The following EYS variants were observed in gnomAD, a reference collection of about 807,000 sequenced individuals.
EYS encodes protein eyes shut homolog.
In EYS, 250 loss-of-function variants were observed where a neutral mutation model predicts 282.1. The observed-to-expected ratio is 0.89, with a 90% CI of 0.80 to 0.98. The LOEUF (loss-of-function observed/expected upper bound fraction) is 0.98, where lower values mean the gene tolerates loss of function less well. Ranked by LOEUF, EYS falls within the 50% of genes least tolerant of loss-of-function variation. EYS has a pLI of 0.00. For missense variants in EYS, 4,016 were observed against 3,709.0 expected (o/e 1.08, Z -2.15); for synonymous variants, 1,355 against 1,282.9 (o/e 1.06, Z -1.20).
chr6:64,692,998 T>TTTTTTTTTC, intron 22 of EYS, among the ~76,000 whole-genome samples: 1 of 66,400 alleles, frequency 1.5e-5, no homozygotes, highest in Non-Finnish European at 3.7e-5. Flanking sequence ...TTTTTTTTTT[T>TTTTTTTTTC]TGGTTCCAGA....
chr6:64,468,889 T>C (rs929029265), intron 26 of EYS, among the ~76,000 whole-genome samples: 2 of 152,238 alleles, frequency 1.3e-5, no homozygotes, highest in Admixed American at 1.3e-4. Context: ...ATGCTTTCTT[T>C]ATCCAGTCTG....
chr6:64,445,698 A>G (rs1775097201), intron 26 of EYS, among the ~76,000 whole-genome samples: 1 of 152,136 alleles, frequency 6.6e-6, no homozygotes, highest in Non-Finnish European at 1.5e-5. Context: ...TGCTTTTCAC[A>G]TGATTCCAAT....
chr6:64,198,243 G>A (rs1302155254), intron 31 of EYS, among the ~76,000 whole-genome samples: 2 of 150,790 alleles, frequency 1.3e-5, no homozygotes, highest in East Asian at 2.0e-4. Flanking sequence ...TCCTGACCTC[G>A]TGATCCTCCT....
At chr6:65,391,793 C>G (rs902400422) in intron 7 of EYS, among the ~76,000 whole-genome samples, 1 of 149,958 alleles carries the variant, frequency 6.7e-6, no homozygotes, top group African/African-American at 2.4e-5. Flanking sequence ...CTACCAATGA[C>G]TTTCTTTACA....
chr6:65,063,293 C>T (rs72877887), intron 12 of EYS, among the ~76,000 whole-genome samples: 2,384 of 151,972 alleles, frequency 0.016, 36 homozygotes, highest in Non-Finnish European at 0.021. Flanking sequence ...TGTTTGATCA[C>T]CATCAAATTC....
intron 14 of EYS, among the ~76,000 whole-genome samples, chr6:64,997,129 ACAC>A (rs1771290124): frequency 6.6e-6 from 1 of 152,158 alleles, no homozygotes; most frequent in South Asian, 2.1e-4. Flanking sequence ...TGAAGGGACA[ACAC>A]CAACAGATGA....
intron 12 of EYS, among the ~76,000 whole-genome samples, chr6:65,247,896 T>C (rs1051019241): frequency 6.6e-6 from 1 of 152,094 alleles, no homozygotes; most frequent in African/African-American, 2.4e-5. Context: ...CTTTAGGCTT[T>C]ACAATTAAAT....
intron 12 of EYS, among the ~76,000 whole-genome samples, chr6:65,295,102 G>A (rs1160480192): frequency 1.3e-5 from 2 of 151,710 alleles, no homozygotes; most frequent in Non-Finnish European, 2.9e-5. Flanking sequence ...ATAACTTTTC[G>A]AATTGGGTCT....
rs1770415635 is a variant in EYS at position 63,788,182 on chromosome 6, T to C, written c.7646A>G (p.Gln2549Arg). Residue 2549 changes from glutamine to arginine, a missense_variant, in exon 39 of 43, where the codon CAG becomes CGG. Gln to Arg is a conservative substitution (Grantham distance 43). Transcript: ENST00000503581. ...TTCACTGTAGCCACCTACATAAAACTGACTGAAGACATTGAGACCAACCAG... is the reference window on the plus strand; with the variant it reads ...TTCACTGTAGCCACCTACATAAAACCGACTGAAGACATTGAGACCAACCAG... ...GRLVGLNVFS[Q>R]FYVGGYSEYT... 1 of 1,548,518 alleles carries C rather than the reference T, an allele frequency of 6.5e-7. No individual in the cohort carries two copies. Among genetic ancestry groups the C allele is most frequent in the African/African-American group, 1.4e-5 (1 of 72,906 alleles).
intron 31 of EYS, among the ~76,000 whole-genome samples, chr6:64,193,098 T>A (rs1765167032): frequency 6.6e-6 from 1 of 152,232 alleles, no homozygotes; most frequent in Non-Finnish European, 1.5e-5. Flanking sequence ...TGTTTTGGTT[T>A]TTTGTAGAAA....
intron 35 of EYS, among the ~76,000 whole-genome samples, chr6:63,966,294 G>A (rs1368910630): frequency 3.9e-5 from 6 of 152,190 alleles, no homozygotes; most frequent in Admixed American, 2.6e-4. Context: ...TGTTCTCATC[G>A]ATAGGTAGGA....
intron 12 of EYS, among the ~76,000 whole-genome samples, chr6:65,184,287 T>G (rs141430516): frequency 1.2e-4 from 18 of 151,990 alleles, no homozygotes; most frequent in Non-Finnish European, 1.8e-4. Context: ...CTTCTTGCTA[T>G]GCCATAACAT....
intron 14 of EYS, among the ~76,000 whole-genome samples, chr6:64,973,164 C>T (rs1770355132): frequency 6.6e-6 from 1 of 151,894 alleles, no homozygotes; most frequent in Admixed American, 6.6e-5. Context: ...TAAAATTGCC[C>T]AATATTCTTT....
chr6:63,936,980 C>T (rs1433418844), intron 35 of EYS, among the ~76,000 whole-genome samples: 1 of 152,254 alleles, frequency 6.6e-6, no homozygotes, highest in Admixed American at 6.5e-5. Flanking sequence ...TTCTGGAATA[C>T]TGAAAAAGGA....
At chr6:63,999,497 C>G (rs1006613373) in intron 33 of EYS, among the ~76,000 whole-genome samples, 1 of 152,150 alleles carries the variant, frequency 6.6e-6, no homozygotes, top group East Asian at 1.9e-4. Context: ...ATTTTAAGTG[C>G]TAACTGTGGT....
At chr6:64,550,277 G>C (rs1364651393) in intron 26 of EYS, among the ~76,000 whole-genome samples, 1 of 152,062 alleles carries the variant, frequency 6.6e-6, no homozygotes, top group African/African-American at 2.4e-5. Context: ...GGGTCAAATG[G>C]TATTTCTACT....
intron 26 of EYS, among the ~76,000 whole-genome samples, chr6:64,561,257 T>G (rs1332502253): frequency 6.6e-6 from 1 of 152,082 alleles, no homozygotes; most frequent in African/African-American, 2.4e-5. Context: ...ACATTCCCCT[T>G]GAAAGCCAGC....
chr6:63,755,574 G>A (rs1769457698), intron 41 of EYS, among the ~76,000 whole-genome samples: 1 of 152,168 alleles, frequency 6.6e-6, no homozygotes, highest in Non-Finnish European at 1.5e-5. Flanking sequence ...GATGCCTCCA[G>A]CTTTGTTCTT....
intron 29 of EYS, among the ~76,000 whole-genome samples, chr6:64,375,267 G>T (rs774841349): frequency 2.6e-5 from 4 of 152,176 alleles, no homozygotes; most frequent in African/African-American, 9.6e-5. Context: ...CTTTTGGTAT[G>T]CAGCCTCATT....
Sources: gnomAD v4.1 joint callset for allele counts (sites outside exome capture counted in the v4.1 genomes callset) on GRCh38, gnomAD v4.1.1 for gene constraint, MANE v1.5 for transcripts, NCBI Gene and HGNC (gene_info 2026-07-23, HGNC 2026-07-21) for gene names.